The following CYP2C19 variants were observed in gnomAD, a reference collection of about 807,000 sequenced individuals.
The protein encoded by CYP2C19 is cytochrome P450 2C19.
In CYP2C19, 59 loss-of-function variants were observed where a neutral mutation model predicts 40.9. The ratio of observed to expected loss-of-function variants is 1.44; its 90% CI spans 1.17 to 1.79. The LOEUF (loss-of-function observed/expected upper bound fraction) is 1.79, where lower values mean the gene tolerates loss of function less well. CYP2C19 is among the 40% of genes most tolerant of loss of function. CYP2C19 has a pLI of 0.00. For synonymous variants in CYP2C19, 253 were observed against 208.7 expected (o/e 1.21, Z -1.83); for missense variants, 754 against 596.9 (o/e 1.26, Z -2.74).
At chr10:94,807,696 C>A (rs542558822) in intron 5 of CYP2C19, among the ~76,000 whole-genome samples, 3 of 151,944 alleles carry the variant, frequency 2.0e-5, no homozygotes, top group African/African-American at 4.8e-5. Flanking sequence ...TTTTGGGAGA[C>A]GCCTGTTCAG....
At chr10:94,769,151 G>T (rs759638354) in intron 1 of CYP2C19, among the ~76,000 whole-genome samples, 2 of 151,916 alleles carry the variant, frequency 1.3e-5, no homozygotes, top group African/African-American at 4.8e-5. Context: ...GGCAAAGCTG[G>T]GCCTTTGACC....
At chr10:94,764,601 AGGGGTGAAGAAGG>A (rs1848215854) in intron 1 of CYP2C19, among the ~76,000 whole-genome samples, 1 of 151,862 alleles carries the variant, frequency 6.6e-6, no homozygotes, top group Non-Finnish European at 1.5e-5. Context: ...CCTGCTGGAG[AGGGGTGAAGAAGG>A]GGTCCTGCAG....
At chr10:94,763,334 G>T (rs1848198686) in intron 1 of CYP2C19, among the ~76,000 whole-genome samples, 1 of 152,096 alleles carries the variant, frequency 6.6e-6, no homozygotes. Flanking sequence ...TTTAGGACCA[G>T]CAAAAGCAGA....
chr10:94,764,084 T>C (rs1848210005), intron 1 of CYP2C19, among the ~76,000 whole-genome samples: 1 of 151,992 alleles, frequency 6.6e-6, no homozygotes, highest in Admixed American at 6.5e-5. Context: ...ACCTTTGCGG[T>C]GAGTGTTATA....
At chr10:94,810,946 G>C (rs970959536) in intron 5 of CYP2C19, among the ~76,000 whole-genome samples, 2 of 152,008 alleles carry the variant, frequency 1.3e-5, no homozygotes, top group Admixed American at 1.3e-4. Flanking sequence ...GTTTGCTCTT[G>C]GTTTTCTAGT....
At chr10:94,796,905 G>A (rs1848696922) in intron 5 of CYP2C19, among the ~76,000 whole-genome samples, 1 of 152,092 alleles carries the variant, frequency 6.6e-6, no homozygotes, top group Admixed American at 6.5e-5. Context: ...TGACAATGTG[G>A]TTTTCTAGTT....
intron 6 of CYP2C19, among the ~76,000 whole-genome samples, chr10:94,833,454 T>C (rs1224293655): frequency 6.7e-6 from 1 of 149,208 alleles, no homozygotes; most frequent in African/African-American, 2.5e-5. Flanking sequence ...TTTTTTTTTC[T>C]TTTTTTTTAT....
intron 6 of CYP2C19, among the ~76,000 whole-genome samples, chr10:94,838,571 G>T (rs1048549032): frequency 2.0e-5 from 3 of 152,078 alleles, no homozygotes; most frequent in Admixed American, 6.5e-5. Flanking sequence ...TCTGCTTGGA[G>T]GGGGCATAAT....
At chr10:94,816,660 C>A (rs1015736361) in intron 5 of CYP2C19, among the ~76,000 whole-genome samples, 1 of 150,980 alleles carries the variant, frequency 6.6e-6, no homozygotes, top group Non-Finnish European at 1.5e-5. Flanking sequence ...CATGTGCCAT[C>A]CTGGTGCGCT....
At chr10:94,774,877 A>G (rs1211390908) in intron 1 of CYP2C19, 181 bp from the exon 2 acceptor site, 2 of 655,506 alleles carry the variant, frequency 3.1e-6, no homozygotes, top group Non-Finnish European at 5.2e-6. Flanking sequence ...TGAACATCAT[A>G]GGCCATCTGA....
chr10:94,830,284 CT>C (rs1470055290), intron 6 of CYP2C19, among the ~76,000 whole-genome samples: 2 of 152,370 alleles, frequency 1.3e-5, no homozygotes, highest in African/African-American at 4.8e-5. Context: ...TGATCTCAGA[CT>C]GCTGTGCTAG....
intron 6 of CYP2C19, among the ~76,000 whole-genome samples, chr10:94,827,531 C>T (rs12248975): frequency 0.2 from 30,960 of 151,814 alleles, 3,365 homozygotes; most frequent in Middle Eastern, 0.24. Flanking sequence ...TTTTTTATTG[C>T]GTCTATTTGA....
intron 1 of CYP2C19, among the ~76,000 whole-genome samples, chr10:94,768,732 C>T (rs1848285046): frequency 6.6e-6 from 1 of 152,154 alleles, no homozygotes; most frequent in African/African-American, 2.4e-5. Flanking sequence ...AATTTCCTTA[C>T]TTAGGTATAC....
intron 3 of CYP2C19, 63 bp from the exon 4 acceptor site, chr10:94,780,436 C>T (rs1848464380): frequency 1.3e-6 from 2 of 1,579,936 alleles, no homozygotes; most frequent in Non-Finnish European, 1.7e-6. Flanking sequence ...TATCTGTTAA[C>T]AAATATGAAG....
intron 6 of CYP2C19, among the ~76,000 whole-genome samples, chr10:94,829,674 C>T (rs545924473): frequency 6.6e-6 from 1 of 152,100 alleles, no homozygotes; most frequent in African/African-American, 2.4e-5. Context: ...CATTCTCCAT[C>T]CAGCTTTGTT....
intron 1 of CYP2C19, among the ~76,000 whole-genome samples, chr10:94,770,456 G>C (rs909916175): frequency 2.2e-4 from 34 of 152,066 alleles, no homozygotes; most frequent in Admixed American, 2.2e-3. Flanking sequence ...CATGACTAAG[G>C]CTGTGACCTT....
chr10:94,771,868 C>T (rs1481347717), intron 1 of CYP2C19, among the ~76,000 whole-genome samples: 2 of 152,124 alleles, frequency 1.3e-5, no homozygotes, highest in South Asian at 2.1e-4. Context: ...CACTAGTTTT[C>T]CTCCTAGACC....
rs137981616 is a variant in CYP2C19 at position 94,851,954 on chromosome 10, T to C, written c.1292-779T>C. On this transcript the variant is annotated intron_variant, in intron 8 of 8. Coordinates refer to ENST00000371321, the MANE Select transcript of CYP2C19 (RefSeq NM_000769.4). ...GGGAAACGAACATTTTCTTGCTCAG[T>C]GAGATGAGAAAGAGAGTAAAAAAGG... is the stretch of plus-strand genomic sequence containing the variant. 3.1e-3 allele frequency among the ~76,000 whole-genome samples: 473 copies of C among 152,188 alleles called. 3 individuals are homozygous for C. Among genetic ancestry groups the C allele is most frequent in the African/African-American group, 0.011 (450 of 41,522 alleles).
At chr10:94,763,770 C>T (rs978754177) in intron 1 of CYP2C19, among the ~76,000 whole-genome samples, 1 of 151,836 alleles carries the variant, frequency 6.6e-6, no homozygotes, top group Admixed American at 6.6e-5. Context: ...TATTAGTATG[C>T]TTTTGTGTCT....
Sources: allele counts gnomAD v4.1 joint callset (sites outside exome capture counted in the v4.1 genomes callset), GRCh38; gene constraint gnomAD v4.1.1; transcripts MANE v1.5; gene names NCBI Gene and HGNC (gene_info 2026-07-23, HGNC 2026-07-21).